Variants in ORC4 observed in about 807,000 individuals in gnomAD.
ORC4 encodes the protein origin recognition complex subunit 4, also known as origin recognition complex, subunit 4 homolog.
Under a neutral mutation model 63.9 loss-of-function variants are expected in ORC4, and 55 were observed. The observed-to-expected ratio is 0.86, with a 90% confidence interval of 0.69 to 1.08. The LOEUF is 1.08. Ranked by LOEUF, ORC4 falls within the 50% of genes least tolerant of loss-of-function variation. The pLI, the probability that ORC4 is intolerant of heterozygous loss-of-function variation, is 0.00. For missense variants in ORC4, 511 were observed against 504.4 expected (o/e 1.01, Z -0.13); for synonymous variants, 150 against 168.5 (o/e 0.89, Z 0.85).
intron 13 of ORC4, 124 bp downstream of exon 13, chr2:147,938,020 CTT>C: frequency 1.4e-6 from 1 of 723,772 alleles, no homozygotes; most frequent in Non-Finnish European, 2.4e-6. Flanking sequence ...AGATAATTTT[CTT>C]GTTTTGAAAA....
At chr2:147,966,355 C>G (rs1446682035) in intron 4 of ORC4, among the ~76,000 whole-genome samples, 1 of 151,644 alleles carries the variant, frequency 6.6e-6, no homozygotes, top group African/African-American at 2.4e-5. Context: ...TTCCAAAGAG[C>G]TAGAAAAGAA....
intron 4 of ORC4, among the ~76,000 whole-genome samples, chr2:147,970,264 T>C (rs1267709312): frequency 6.6e-6 from 1 of 152,180 alleles, no homozygotes; most frequent in Non-Finnish European, 1.5e-5. Flanking sequence ...ATTCTTCCTA[T>C]TGTGATGTAT....
At chr2:148,014,164 C>T (rs879284507) in intron 1 of ORC4, among the ~76,000 whole-genome samples, 5 of 151,940 alleles carry the variant, frequency 3.3e-5, no homozygotes, top group African/African-American at 9.7e-5. Flanking sequence ...TGCAATACAG[C>T]GAGACCTCAT....
chr2:148,019,681 AC>A (rs765382513), intron 1 of ORC4, among the ~76,000 whole-genome samples: 25 of 152,242 alleles, frequency 1.6e-4, no homozygotes, highest in Non-Finnish European at 3.2e-4. Context: ...TTTTTAAAAA[AC>A]ATACAAAGAT....
intron 7 of ORC4, among the ~76,000 whole-genome samples, chr2:147,954,976 C>A (rs977750411): frequency 6.6e-6 from 1 of 151,788 alleles, no homozygotes; most frequent in African/African-American, 2.4e-5. Flanking sequence ...AAATTAGAAA[C>A]AAAAGCCCAT....
At chr2:147,983,281 T>C (rs1170244624) in intron 1 of ORC4, among the ~76,000 whole-genome samples, 1 of 152,204 alleles carries the variant, frequency 6.6e-6, no homozygotes, top group African/African-American at 2.4e-5. Flanking sequence ...TCATGATAAA[T>C]TTATTCGTAA....
intron 1 of ORC4, among the ~76,000 whole-genome samples, chr2:147,977,512 G>T (rs1158427451): frequency 2.0e-5 from 3 of 152,194 alleles, no homozygotes; most frequent in Admixed American, 2.0e-4. Context: ...CTTTGTGTTA[G>T]CGTTGAGATT....
intron 1 of ORC4, among the ~76,000 whole-genome samples, chr2:148,000,900 G>C (rs1228919235): frequency 1.3e-5 from 2 of 151,954 alleles, no homozygotes; most frequent in East Asian, 1.9e-4. Context: ...TGTGGAAAAA[G>C]GCTAAATCTA....
intron 10 of ORC4, among the ~76,000 whole-genome samples, chr2:147,940,163 A>T (rs940475407): frequency 6.6e-6 from 1 of 151,816 alleles, no homozygotes; most frequent in Non-Finnish European, 1.5e-5. Context: ...TTTAGTTATT[A>T]ATTTTTTAAT....
At chr2:148,004,227 A>G (rs1234570178) in intron 1 of ORC4, among the ~76,000 whole-genome samples, 1 of 152,118 alleles carries the variant, frequency 6.6e-6, no homozygotes, top group Non-Finnish European at 1.5e-5. Flanking sequence ...TCAAGCTACC[A>G]CTGACTTTCT....
At chr2:147,967,237 G>C (rs1468468970) in intron 4 of ORC4, among the ~76,000 whole-genome samples, 2 of 151,808 alleles carry the variant, frequency 1.3e-5, no homozygotes, top group African/African-American at 4.8e-5. Flanking sequence ...ACACCAAATG[G>C]GGAAAAACTA....
At chr2:147,937,793 G>A (rs1688133825) in intron 13 of ORC4, among the ~76,000 whole-genome samples, 1 of 152,040 alleles carries the variant, frequency 6.6e-6, no homozygotes, top group South Asian at 2.1e-4. Context: ...TGTCTTTTAA[G>A]TTTCTTAATG....
chr2:147,982,729 C>T (rs1457457373), intron 1 of ORC4, among the ~76,000 whole-genome samples: 2 of 152,190 alleles, frequency 1.3e-5, no homozygotes, highest in East Asian at 3.9e-4. Context: ...TGACATCTTC[C>T]CCCTTCATGT....
At position 147,972,663 on chromosome 2, in the gene ORC4, T is replaced by C. The variant is rs1690284330; in HGVS notation, c.225+76A>G. 1.1e-5 allele frequency: 8 copies of C among 695,934 alleles called. No individual in the cohort carries two copies. In the East Asian group the frequency reaches 1.2e-4, roughly 10 times the overall value. 43.1% of individuals were successfully genotyped at this position (695,934 alleles called of 1,614,324 possible). On this transcript the variant is annotated intron_variant, in intron 4 of 13. Transcript: ENST00000392857. ...TCAGTATTACATAAAATAAGATTTA[T>C]ATATGAATTTATTTATTCTTATATA...
intron 8 of ORC4, among the ~76,000 whole-genome samples, chr2:147,951,108 G>A (rs554910684): frequency 6.6e-5 from 10 of 152,054 alleles, no homozygotes; most frequent in Admixed American, 5.2e-4. Flanking sequence ...GAAAGGAGGG[G>A]CAAATGACAG....
intron 1 of ORC4, among the ~76,000 whole-genome samples, chr2:148,012,242 TG>T (rs1365066801): frequency 6.6e-6 from 1 of 152,162 alleles, no homozygotes; most frequent in Non-Finnish European, 1.5e-5. Context: ...AGCACGATAG[TG>T]GCATAAAAAC....
intron 13 of ORC4, 37 bp from the exon 14 acceptor site, chr2:147,935,735 G>A (rs761570600): frequency 1.3e-5 from 20 of 1,550,498 alleles, no homozygotes; most frequent in Middle Eastern, 4.6e-4. Flanking sequence ...TTGAATAGGA[G>A]AGGAGAGTGA....
rs1355113547 is a variant in ORC4, at chr2:148,008,250, TACAGAATACTCTA to T, written c.-18+12370_-18+12382del. Among the ~76,000 whole-genome samples, 8 of 152,168 alleles carry T rather than the reference TACAGAATACTCTA, an allele frequency of 5.3e-5. 1 individual carries two copies. The highest frequency in any genetic ancestry group is 7.4e-5 in the Non-Finnish European group (5 of 68,014). On this transcript the variant is annotated intron_variant, in intron 1 of 13. Transcript: ENST00000392857. ...TGGTGAAAGTAAGTGCACAGATAAATACAGAATACTCTAACCGCTCATATCTTTAGCAGGAAGA... is the reference window on the plus strand; with the variant it reads ...TGGTGAAAGTAAGTGCACAGATAAATACCGCTCATATCTTTAGCAGGAAGA...
At chr2:147,962,163 G>A (rs966542856) in intron 4 of ORC4, among the ~76,000 whole-genome samples, 52 of 152,222 alleles carry the variant, frequency 3.4e-4, no homozygotes, top group Non-Finnish European at 4.3e-4. Context: ...CCGTAGTCAG[G>A]AGGGACTTCC....
Sources: allele counts gnomAD v4.1 joint callset (sites outside exome capture counted in the v4.1 genomes callset), GRCh38; gene constraint gnomAD v4.1.1; transcripts MANE v1.5; gene names NCBI Gene and HGNC (gene_info 2026-07-23, HGNC 2026-07-21).